VRK2: variants seen among roughly 807,000 people sequenced by gnomAD.
VRK2 encodes the protein serine/threonine-protein kinase VRK2.
In VRK2, 60 loss-of-function variants were observed where a neutral mutation model predicts 57.6. The ratio of observed to expected loss-of-function variants is 1.04; its 90% CI spans 0.85 to 1.29. The LOEUF is 1.29. Among genes scored for constraint, VRK2 ranks in the 50% most tolerant of loss-of-function variants. The probability of loss-of-function intolerance (pLI) is 0.00; values close to 1 mark genes in which losing one functional copy is unlikely to be tolerated. For missense variants in VRK2, 705 were observed against 588.1 expected (o/e 1.20, Z -2.06); for synonymous variants, 231 against 199.2 (o/e 1.16, Z -1.35).
At chr2:58,117,100 G>T (rs1047739191) in intron 7 of VRK2, among the ~76,000 whole-genome samples, 2 of 152,176 alleles carry the variant, frequency 1.3e-5, no homozygotes, top group African/African-American at 4.8e-5. Flanking sequence ...GTCGGGAGCA[G>T]ATTGGGTAAT....
chr2:57,987,305 C>T (rs1192854190), intron 1 of VRK2, among the ~76,000 whole-genome samples: 1 of 152,018 alleles, frequency 6.6e-6, no homozygotes, highest in African/African-American at 2.4e-5. Flanking sequence ...ACTCTCAAAA[C>T]TCAGTAAGAA....
At chr2:58,071,730 C>G (rs905873540) in intron 2 of VRK2, among the ~76,000 whole-genome samples, 6 of 151,972 alleles carry the variant, frequency 3.9e-5, no homozygotes, top group African/African-American at 1.4e-4. Context: ...TGCAAGTCCT[C>G]TGACTTTGTT....
At chr2:58,051,935 A>G (rs1177297379) in intron 2 of VRK2, among the ~76,000 whole-genome samples, 1 of 152,228 alleles carries the variant, frequency 6.6e-6, no homozygotes, top group African/African-American at 2.4e-5. Context: ...GGAAGAAAGG[A>G]AACTGGTTTA....
At chr2:58,095,022 G>A (rs2118900) in intron 7 of VRK2, among the ~76,000 whole-genome samples, 3,178 of 152,164 alleles carry the variant, frequency 0.021, 125 homozygotes, top group African/African-American at 0.074. Flanking sequence ...TGTGCTGGGC[G>A]CGGTGGCTCA....
intron 2 of VRK2, among the ~76,000 whole-genome samples, chr2:58,082,418 C>T (rs1441759084): frequency 6.6e-6 from 1 of 151,860 alleles, no homozygotes; most frequent in African/African-American, 2.4e-5. Context: ...AGAGGCAAAA[C>T]TTTCTACTGA....
At chr2:58,135,467 A>G (rs898495633) in intron 10 of VRK2, among the ~76,000 whole-genome samples, 1 of 144,264 alleles carries the variant, frequency 6.9e-6, no homozygotes, top group African/African-American at 2.6e-5. Flanking sequence ...TAAGATCTCT[A>G]TTTTGAGAAT....
chr2:57,915,080 T>C (rs1042620886), intron 1 of VRK2, among the ~76,000 whole-genome samples: 4 of 152,082 alleles, frequency 2.6e-5, no homozygotes, highest in African/African-American at 9.7e-5. Context: ...TATATTTACC[T>C]AAAAAGGACA....
At chr2:57,935,457 C>T (rs1670874264) in intron 1 of VRK2, among the ~76,000 whole-genome samples, 1 of 152,112 alleles carries the variant, frequency 6.6e-6, no homozygotes. Context: ...TTTTACAATT[C>T]AGTAGGGTCA....
At chr2:58,094,907 G>T (rs559300899) in intron 7 of VRK2, among the ~76,000 whole-genome samples, 8 of 152,080 alleles carry the variant, frequency 5.3e-5, no homozygotes, top group Non-Finnish European at 1.2e-4. Context: ...TTTAACATTG[G>T]ATTGGACTAG....
chr2:57,995,858 C>G (rs1232448957), intron 1 of VRK2, among the ~76,000 whole-genome samples: 2 of 152,086 alleles, frequency 1.3e-5, no homozygotes, highest in African/African-American at 4.8e-5. Context: ...GCACTTTTAC[C>G]CACCATTGCT....
At chr2:58,042,204 G>C (rs1445596834), upstream of VRK2, among the ~76,000 whole-genome samples, 1 of 152,038 alleles carries the variant, frequency 6.6e-6, no homozygotes, top group Non-Finnish European at 1.5e-5. Flanking sequence ...CATTTATATA[G>C]ACAATGAAGA....
intron 2 of VRK2, among the ~76,000 whole-genome samples, chr2:58,056,069 AC>A (rs1448899340): frequency 1.3e-5 from 2 of 151,968 alleles, no homozygotes; most frequent in African/African-American, 4.8e-5. Context: ...ATTGTCTCAC[AC>A]CCACTACAGA....
intron 1 of VRK2, among the ~76,000 whole-genome samples, chr2:57,960,661 G>A (rs1489752328): frequency 6.6e-6 from 1 of 152,190 alleles, no homozygotes; most frequent in African/African-American, 2.4e-5. Flanking sequence ...CACATACTGG[G>A]TGGATAGATG....
chr2:57,965,301 T>C (rs1352459034), intron 1 of VRK2, among the ~76,000 whole-genome samples: 1 of 152,174 alleles, frequency 6.6e-6, no homozygotes. Context: ...AATAGTTTCA[T>C]GGGAAAATAG....
intron 7 of VRK2, among the ~76,000 whole-genome samples, chr2:58,108,131 A>G (rs546818091): frequency 6.6e-6 from 1 of 152,014 alleles, no homozygotes; most frequent in South Asian, 2.1e-4. Flanking sequence ...TCATTTTCTT[A>G]CCAAATCTCT....
At chr2:58,119,332 T>C (rs1247386701) in intron 7 of VRK2, among the ~76,000 whole-genome samples, 4 of 142,574 alleles carry the variant, frequency 2.8e-5, no homozygotes, top group Admixed American at 2.1e-4. Flanking sequence ...ACCCCATCTC[T>C]ACTAAAAATA....
At chr2:58,115,865 G>C (rs975760120) in intron 7 of VRK2, among the ~76,000 whole-genome samples, 4 of 152,164 alleles carry the variant, frequency 2.6e-5, no homozygotes, top group Admixed American at 6.5e-5. Flanking sequence ...AGAGAGGCTG[G>C]GATGAAGGGT....
intron 1 of VRK2, among the ~76,000 whole-genome samples, chr2:58,004,051 T>C (rs1234417268): frequency 6.6e-6 from 1 of 152,172 alleles, no homozygotes; most frequent in Non-Finnish European, 1.5e-5. Flanking sequence ...CAAAGATTAA[T>C]AGTTTTTGAC....
chr2:58,049,269 C>CT (rs980549968), intron 2 of VRK2, among the ~76,000 whole-genome samples: 7 of 151,958 alleles, frequency 4.6e-5, no homozygotes, highest in African/African-American at 9.7e-5. Context: ...TAGAAACATG[C>CT]TTTTTTCAGA....
Sources: allele counts gnomAD v4.1 joint callset (sites outside exome capture counted in the v4.1 genomes callset), GRCh38; gene constraint gnomAD v4.1.1; transcripts MANE v1.5; gene names NCBI Gene and HGNC (gene_info 2026-07-23, HGNC 2026-07-21).